TRIM28: variants seen among roughly 807,000 people sequenced by gnomAD.
The protein encoded by TRIM28 is transcription intermediary factor 1-beta.
TRIM28 carries 8 observed loss-of-function variants against 87.4 expected under a neutral mutation model. The observed-to-expected ratio is 0.09, with a 90% CI of 0.05 to 0.17. TRIM28 has a LOEUF of 0.17. TRIM28 is among the 10% of genes least tolerant of loss of function. The pLI is 1.00. For synonymous variants in TRIM28, 601 were observed against 454.3 expected, an observed-to-expected ratio of 1.32 and a Z score of -4.11; for missense variants, 968 against 1,131.8, an observed-to-expected ratio of 0.86 and a Z score of 2.08.
rs554790393 is a variant in TRIM28, at chr19:58,550,596, G to C, written c.*43G>C. 5.1e-6 allele frequency: 8 copies of C among 1,574,226 alleles called. No individual in the cohort carries two copies. The African/African-American group carries it at 9.4e-5, about 19-fold the overall frequency. ...CCAGCCCAGCCTGGCTCTGTTCTCT[G>C]TCCTGTCACCCCATCCCCACTCCCC... On this transcript the variant is annotated 3_prime_UTR_variant, in exon 17 of 17. Coordinates refer to ENST00000253024, the MANE Select transcript of TRIM28 (RefSeq NM_005762.3).
rs201792342 is a variant in TRIM28, at chr19:58,549,379, G to T, written c.1711G>T (p.Gly571Cys). 7.0e-6 allele frequency: 11 copies of T among 1,576,104 alleles called. No homozygotes were observed. The highest frequency in any genetic ancestry group is 1.4e-5 in the African/African-American group (1 of 73,956). ...AIGAPPTATE[G>C]PETKPVLMAL... ...TGGAGCCCCTCCTACTGCCACTGAG[G>T]GCCCTGAGACCAAACCTGTGCTTAT... The change falls in exon 13 of 17, where the codon GGC becomes TGC. Residue 571 changes from glycine to cysteine, a missense_variant. Transcript: ENST00000253024. This position sits in a 1 kb window ranked among gnomAD's most constrained non-coding sequence, Gnocchi z 4.4.
At position 58,548,844 on chromosome 19, in the gene TRIM28, C is replaced by T. The variant is rs1420809239; in HGVS notation, c.1361-18C>T. Reference sequence around the variant, plus strand: ...GTTTCTACCCCAACCTGCCAGTCTTCTTTCTCCATTTTCTAAGGAGATGAT... The same window carrying T: ...GTTTCTACCCCAACCTGCCAGTCTTTTTTCTCCATTTTCTAAGGAGATGAT... On this transcript the variant is annotated intron_variant, in intron 10 of 16. Transcript: ENST00000253024. 9 of 1,613,982 alleles carry T rather than the reference C, an allele frequency of 5.6e-6. No individual in the cohort carries two copies. The highest frequency in any genetic ancestry group is 2.7e-5 in the African/African-American group (2 of 74,906).
intron 16 of TRIM28, 38 bp downstream of exon 16, chr19:58,550,322 G>A: frequency 6.2e-7 from 1 of 1,613,518 alleles, no homozygotes; most frequent in African/African-American, 1.3e-5. Flanking sequence ...GGCAGGGGGA[G>A]ATGTGAAGGA....
At position 58,548,584 on chromosome 19, in the gene TRIM28, A is replaced by T; in HGVS notation, c.1315A>T (p.Ser439Cys). The T allele has an allele frequency of 6.2e-7, 1 of 1,602,600 alleles. No homozygotes were observed. Among genetic ancestry groups the T allele is most frequent in the Non-Finnish European group, 8.5e-7 (1 of 1,173,822 alleles). ...PGPLSKQGSG[S>C]SQPMEVQEGY... ...GCCCCTGAGCAAGCAGGGCTCTGGC[A>T]GCAGCCAGGTGAGCAGGAGAGAGGA... Residue 439 changes from serine to cysteine, a missense_variant, in exon 9 of 17, where the codon AGC becomes TGC. Around this residue, in one of 11 missense-constraint regions of TRIM28, gnomAD observed 119 missense variants for 93.6 expected, o/e 1.27. Transcript: ENST00000253024.
At chr19:58,545,138 C>T in intron 1 of TRIM28, 41 bp downstream of exon 1, 4 of 1,382,568 alleles carry the variant, frequency 2.9e-6, no homozygotes, top group Non-Finnish European at 3.8e-6. Context: ...CCCCTACTCT[C>T]TGCCTTTGAT....
chr19:58,545,077 G>A lies in TRIM28; in HGVS notation c.320G>A (p.Gly107Glu). The A allele has an allele frequency of 7.0e-7, 1 of 1,437,714 alleles. No homozygotes were observed. The highest frequency in any genetic ancestry group is 2.7e-5 in the East Asian group (1 of 37,072). The allele number at this position is 1,437,714 out of a possible 1,614,324, so 89.1% of individuals were successfully genotyped here. The change falls in exon 1 of 17, where the codon GGG (glycine) becomes GAG (glutamate). Residue 107 changes from glycine (G) to glutamate (E), a missense_variant. Coordinates refer to ENST00000253024, the MANE Select transcript of TRIM28 (RefSeq NM_005762.3). Reference protein sequence around the residue: ...PAAANSSGDGGAAGDGTVVDC... With the variant: ...PAAANSSGDGEAAGDGTVVDC... The stretch of plus-strand genomic sequence containing the variant: ...GCCGCCAACAGCTCGGGGGACGGCG[G>A]GGCGGCGGGCGACGGCACCGGTAAG...
chr19:58,545,081 G>T lies in TRIM28; in HGVS notation c.324G>T (p.Ala108=). 1 of 1,433,224 alleles carries T rather than the reference G, an allele frequency of 7.0e-7. No individual in the cohort carries two copies. The highest frequency in any genetic ancestry group is 1.5e-5 in the South Asian group (1 of 67,958). 88.8% of individuals were successfully genotyped at this position (1,433,224 alleles called of 1,614,324 possible). A position where few individuals can be genotyped will look rare whatever the true frequency, so the allele number is the denominator to read the frequency against. ...AAANSSGDGG[A]AGDGTVVDCP... ...CCAACAGCTCGGGGGACGGCGGGGC[G>T]GCGGGCGACGGCACCGGTAAGTACG... is the stretch of plus-strand genomic sequence containing the variant. Residue 108 remains alanine, a synonymous_variant, in exon 1 of 17, where the codon GCG becomes GCT. Coordinates refer to ENST00000253024, the MANE Select transcript of TRIM28 (RefSeq NM_005762.3).
intron 4 of TRIM28, 38 bp from the exon 5 acceptor site, chr19:58,547,559 G>A (rs377260898): frequency 1.3e-4 from 205 of 1,613,358 alleles, no homozygotes; most frequent in Middle Eastern, 9.9e-4. Context: ...CACCCCTTCC[G>A]TAGCTTAGTG....
In TRIM28 at chr19:58,544,732, C is replaced by A. The variant is rs951274854; in HGVS notation, c.-26C>A. The A allele has an allele frequency of 1.2e-5, 12 of 1,039,800 alleles. No homozygotes were observed. The highest frequency in any genetic ancestry group is 7.6e-5 in the East Asian group (1 of 13,200). The allele number at this position is 1,039,800 out of a possible 1,614,324, so 64.4% of individuals were successfully genotyped here. A position where few individuals can be genotyped will look rare whatever the true frequency, so the allele number is the denominator to read the frequency against. On this transcript the variant is annotated 5_prime_UTR_variant, in exon 1 of 17. Transcript: ENST00000253024. Reference sequence around the variant, plus strand: ...GGCGGGCCCCGCGCCCCTCCTCCCCCCCTGGGCGCCCCCGGCGGCGTGTGA... The same window carrying A: ...GGCGGGCCCCGCGCCCCTCCTCCCCACCTGGGCGCCCCCGGCGGCGTGTGA...
Position 58,549,302 on chromosome 19 carries a change from G to T in TRIM28, c.1663-29G>T, listed in dbSNP as rs2053791937. On this transcript the variant is annotated intron_variant, in intron 12 of 16. Coordinates refer to ENST00000253024, the MANE Select transcript of TRIM28 (RefSeq NM_005762.3). The surrounding 1 kb of genome is among the most constrained non-coding windows in gnomAD (Gnocchi z 4.4). ...AGCCTGTAGTCCAGGTCTGGACCCT[G>T]TTGAACACCCCTCATCACCACCTTG... 1 of 1,578,460 alleles carries T rather than the reference G, an allele frequency of 6.3e-7. No homozygotes were observed. The highest frequency in any genetic ancestry group is 1.3e-5 in the African/African-American group (1 of 74,162).
Position 58,549,521 on chromosome 19 carries a change from C to T in TRIM28, c.1853C>T (p.Pro618Leu), listed in dbSNP as rs372163023. The T allele has an allele frequency of 2.4e-5, 39 of 1,613,964 alleles. No homozygotes were observed. The highest frequency in any genetic ancestry group is 8.8e-5 in the South Asian group (8 of 91,082). Reference sequence around the variant, plus strand: ...GGTACCTCAGCCCCAGGTGGTGGCCCGGGAACCCTGGATGACAGTGCCACC... The same window carrying T: ...GGTACCTCAGCCCCAGGTGGTGGCCTGGGAACCCTGGATGACAGTGCCACC... ...PEGTSAPGGGPGTLDDSATIC... is the reference protein window; with the variant it reads ...PEGTSAPGGGLGTLDDSATIC... Residue 618 changes from proline (P) to leucine (L), a missense_variant, in exon 13 of 17, where the codon CCG becomes CTG. Around this residue, in one of 11 missense-constraint regions of TRIM28, gnomAD observed 164 missense variants for 146.2 expected, o/e 1.12. Coordinates refer to ENST00000253024, the MANE Select transcript of TRIM28 (RefSeq NM_005762.3). This position sits in a 1 kb window ranked among gnomAD's most constrained non-coding sequence, Gnocchi z 4.4.
At chr19:58,545,678 C>T in intron 2 of TRIM28, 86 bp from the exon 3 acceptor site, 1 of 1,561,212 alleles carries the variant, frequency 6.4e-7, no homozygotes, top group Non-Finnish European at 8.7e-7. Flanking sequence ...AGGGACCAAT[C>T]TTAAATCTCC....
chr19:58,546,421 G>A (rs2053761766), intron 3 of TRIM28, among the ~76,000 whole-genome samples: 1 of 152,204 alleles, frequency 6.6e-6, no homozygotes, highest in African/African-American at 2.4e-5. Context: ...TGGTTTGGAA[G>A]GAGCTTGAGA....
chr19:58,548,220 G>A, intron 7 of TRIM28, 40 bp downstream of exon 7: 1 of 1,613,416 alleles, frequency 6.2e-7, no homozygotes, highest in Non-Finnish European at 8.5e-7. Context: ...GTTCCAGGCA[G>A]GTGGTTCCCA....
Position 58,547,849 on chromosome 19 carries a change from C to T in TRIM28, c.897C>T (p.Ile299=), listed in dbSNP as rs749037250. 3 of 1,614,158 alleles carry T rather than the reference C, an allele frequency of 1.9e-6. No homozygotes were observed. The highest frequency in any genetic ancestry group is 1.1e-5 in the South Asian group (1 of 91,080). ...KRVQVDVKMA[I]LQIMKELNKR... Reference sequence around the variant, plus strand: ...TGCAAGTGGATGTCAAGATGGCCATCCTGCAGATCATGAAGGAGCTGAATA... The same window carrying T: ...TGCAAGTGGATGTCAAGATGGCCATTCTGCAGATCATGAAGGAGCTGAATA... The change falls in exon 6 of 17, where the codon ATC becomes ATT. Residue 299 remains isoleucine, a synonymous_variant. Transcript: ENST00000253024.
In TRIM28 at chr19:58,547,819, G is replaced by A. The variant is rs1000718216; in HGVS notation, c.867G>A (p.Lys289=). The A allele has an allele frequency of 6.2e-7, 1 of 1,614,192 alleles. No homozygotes were observed. Among genetic ancestry groups the A allele is most frequent in the Non-Finnish European group, 8.5e-7 (1 of 1,180,040 alleles). The part of the protein sequence containing the change: ...SSIRQVSDVQ[K]RVQVDVKMAI... ...TCCGCCAGGTGTCTGACGTACAGAA[G>A]CGTGTGCAAGTGGATGTCAAGATGG... The change falls in exon 6 of 17, where the codon AAG becomes AAA. Residue 289 remains lysine, a synonymous_variant. Coordinates refer to ENST00000253024, the MANE Select transcript of TRIM28 (RefSeq NM_005762.3).
chr19:58,547,418 A>C lies in TRIM28; in HGVS notation c.629A>C (p.Asn210Thr), dbSNP rs376588378. 1 of 1,614,038 alleles carries C rather than the reference A, an allele frequency of 6.2e-7. No homozygotes were observed. The highest frequency in any genetic ancestry group is 8.5e-7 in the Non-Finnish European group (1 of 1,179,996). Reference sequence around the variant, plus strand: ...GATGGTGAACGTACTGTCTATTGCAACGTACACAAGCATGAACCCCTTGTG... The same window carrying C: ...GATGGTGAACGTACTGTCTATTGCACCGTACACAAGCATGAACCCCTTGTG... ...SRDGERTVYC[N>T]VHKHEPLVLF... Residue 210 changes from asparagine (N) to threonine (T), a missense_variant, in exon 4 of 17, where the codon AAC becomes ACC. Asn to Thr is a moderately conservative substitution (Grantham distance 65). This residue lies in a region of TRIM28 where 103 missense variants were observed against 139.0 expected (regional missense o/e 0.74). Transcript: ENST00000253024.
Position 58,544,792 on chromosome 19 carries a change from C to T in TRIM28, c.35C>T (p.Ala12Val). 1.7e-6 allele frequency: 2 copies of T among 1,191,912 alleles called. No individual in the cohort carries two copies. Among genetic ancestry groups the T allele is most frequent in the Non-Finnish European group, 2.1e-6 (2 of 962,992 alleles). The allele number at this position is 1,191,912 out of a possible 1,614,324, so 73.8% of individuals were successfully genotyped here. Residue 12 changes from alanine (A) to valine (V), a missense_variant, in exon 1 of 17, where the codon GCG becomes GTG. Physicochemically the swap from Ala to Val is moderately conservative, Grantham distance 64. Transcript: ENST00000253024. ...AASAAAASAA[A>V]ASAASGSPGP... Reference sequence around the variant, plus strand: ...TCCGCGGCGGCAGCCTCGGCAGCAGCGGCCTCGGCCGCCTCTGGCAGCCCG... The same window carrying T: ...TCCGCGGCGGCAGCCTCGGCAGCAGTGGCCTCGGCCGCCTCTGGCAGCCCG...
chr19:58,550,311 G>A (rs1174725690), intron 16 of TRIM28, 27 bp downstream of exon 16: 1 of 1,613,636 alleles, frequency 6.2e-7, no homozygotes, highest in Non-Finnish European at 8.5e-7. Context: ...GAGAGGCTGT[G>A]GGCAGGGGGA....
Sources: allele counts gnomAD v4.1 joint callset (sites outside exome capture counted in the v4.1 genomes callset), GRCh38; gene constraint gnomAD v4.1.1; regional missense constraint gnomAD v4.1.1; non-coding constraint Gnocchi (gnomAD v3.1); transcripts MANE v1.5; gene names NCBI Gene and HGNC (gene_info 2026-07-23, HGNC 2026-07-21).